HTR2C: variants seen among roughly 807,000 people sequenced by gnomAD.
HTR2C encodes 5-hydroxytryptamine receptor 2C.
In HTR2C, 5 loss-of-function variants were observed where a neutral mutation model predicts 21.0. The ratio of observed to expected loss-of-function variants is 0.24; its 90% CI spans 0.12 to 0.50. HTR2C has a LOEUF of 0.50. Ranked by LOEUF, HTR2C falls within the 20% of genes least tolerant of loss-of-function variation. The pLI is 0.98. For missense variants in HTR2C, 271 were observed against 371.2 expected, an observed-to-expected ratio of 0.73 and a Z score of 2.22; for synonymous variants, 150 against 145.3, an observed-to-expected ratio of 1.03 and a Z score of -0.23.
intron 5 of HTR2C, among the ~76,000 whole-genome samples, chrX:114,864,292 G>T (rs1226014487): frequency 1.8e-5 from 2 of 110,561 alleles, no homozygotes; most frequent in Non-Finnish European, 3.8e-5. Flanking sequence ...CTTTAGCATT[G>T]GTATATCTGC....
intron 4 of HTR2C, among the ~76,000 whole-genome samples, chrX:114,838,703 G>T (rs782112057): frequency 8.9e-6 from 1 of 111,776 alleles, no homozygotes; most frequent in Admixed American, 9.5e-5. Flanking sequence ...ACTATGAATT[G>T]GCCTCCCCTA....
At chrX:114,801,687 G>A (rs941916478) in intron 4 of HTR2C, among the ~76,000 whole-genome samples, 3 of 110,424 alleles carry the variant, frequency 2.7e-5, no homozygotes, top group Admixed American at 9.8e-5. Context: ...AATATTTGTG[G>A]GTACATGGTA....
At chrX:114,842,761 C>T (rs1556465981) in intron 4 of HTR2C, among the ~76,000 whole-genome samples, 1 of 111,139 alleles carries the variant, frequency 9.0e-6, no homozygotes, top group African/African-American at 3.3e-5. Flanking sequence ...AGGTCCCAAA[C>T]AGACCCAACC....
chrX:114,730,507 T>C (rs1347373873), intron 3 of HTR2C, among the ~76,000 whole-genome samples: 1 of 111,981 alleles, frequency 8.9e-6, no homozygotes, highest in African/African-American at 3.2e-5. Flanking sequence ...GGAAAGTTTA[T>C]AGCACAAAAC....
intron 2 of HTR2C, among the ~76,000 whole-genome samples, chrX:114,638,755 T>A (rs1319552659): frequency 1.1e-5 from 1 of 95,033 alleles, no homozygotes; most frequent in African/African-American, 3.8e-5. Context: ...AATTCCCACC[T>A]ATGAGTGAGA....
intron 2 of HTR2C, among the ~76,000 whole-genome samples, chrX:114,702,657 G>T (rs1378382838): frequency 1.8e-5 from 2 of 110,629 alleles, no homozygotes; most frequent in South Asian, 3.9e-4. Context: ...ATCAACTAAT[G>T]AGCAAAATAA....
chrX:114,626,984 T>C (rs2147814420), intron 2 of HTR2C, among the ~76,000 whole-genome samples: 1 of 111,868 alleles, frequency 8.9e-6, no homozygotes, highest in African/African-American at 3.2e-5. Context: ...CGTTATGATA[T>C]CATGGCCTAC....
At chrX:114,669,847 AACT>A (rs1338194141) in intron 2 of HTR2C, among the ~76,000 whole-genome samples, 1 of 112,716 alleles carries the variant, frequency 8.9e-6, no homozygotes, top group Non-Finnish European at 1.9e-5. Flanking sequence ...TCCATACAAC[AACT>A]ATTTACAATA....
At chrX:114,851,482 A>G (rs2070917403) in intron 5 of HTR2C, among the ~76,000 whole-genome samples, 2 of 111,699 alleles carry the variant, frequency 1.8e-5, no homozygotes, top group Non-Finnish European at 3.8e-5. Context: ...TAAGCTATCT[A>G]TTACTAAGGT....
In HTR2C at chrX:114,816,955, ATAG is replaced by A; in HGVS notation, c.350-31047_350-31045del. Among the ~76,000 whole-genome samples the A allele has an allele frequency of 2.7e-5, 3 of 110,313 alleles. No homozygotes were observed. The South Asian group carries it at 1.1e-3, about 42-fold the overall frequency. ...ATCCAGCATCTAAGATTAAAAAAAA[ATAG>A]ATGATTACACAAATGAGAAGACTGA... On this transcript the variant is annotated intron_variant, in intron 4 of 5. Coordinates refer to ENST00000276198, the MANE Select transcript of HTR2C (RefSeq NM_000868.4).
chrX:114,783,882 A>T (rs917934749), intron 4 of HTR2C, among the ~76,000 whole-genome samples: 8 of 111,554 alleles, frequency 7.2e-5, no homozygotes, highest in Admixed American at 3.8e-4. Context: ...AAAAAACTGA[A>T]CTATAACAAA....
chrX:114,829,395 T>C (rs2070702403), intron 4 of HTR2C, among the ~76,000 whole-genome samples: 1 of 111,773 alleles, frequency 8.9e-6, no homozygotes, highest in Admixed American at 9.5e-5. Context: ...TCCTTACCCA[T>C]TTTTTATTTG....
intron 4 of HTR2C, among the ~76,000 whole-genome samples, chrX:114,838,060 T>C (rs1302789457): frequency 1.8e-5 from 2 of 111,594 alleles, no homozygotes; most frequent in African/African-American, 6.5e-5. Context: ...AGGGATTATA[T>C]TGGTAGATTT....
intron 2 of HTR2C, among the ~76,000 whole-genome samples, chrX:114,670,144 G>A (rs1931320527): frequency 9.0e-6 from 1 of 111,694 alleles, no homozygotes; most frequent in African/African-American, 3.3e-5. Context: ...TGTAATCCCA[G>A]CACTTTGGGA....
chrX:114,775,923 G>T, intron 4 of HTR2C: 1 of 370,970 alleles, frequency 2.7e-6, no homozygotes. Flanking sequence ...CATTCTTAGA[G>T]AGAATCGACC....
chrX:114,655,274 TAGAACTG>T (rs782471187), intron 2 of HTR2C, among the ~76,000 whole-genome samples: 1 of 111,323 alleles, frequency 9.0e-6, no homozygotes, highest in East Asian at 2.8e-4. Flanking sequence ...AGGTTGTTCA[TAGAACTG>T]AGAAACTGGG....
chrX:114,590,421 T>C (rs782627038), intron 1 of HTR2C, among the ~76,000 whole-genome samples: 45 of 111,981 alleles, frequency 4.0e-4, no homozygotes, highest in Non-Finnish European at 7.1e-4. Flanking sequence ...TGTATCTATA[T>C]TCTGTCTGAT....
chrX:114,746,990 A>C (rs2069712203), intron 4 of HTR2C, among the ~76,000 whole-genome samples: 1 of 110,462 alleles, frequency 9.1e-6, no homozygotes, highest in Admixed American at 9.6e-5. Context: ...GTCTCAAAAA[A>C]AAAGAAAGAG....
chrX:114,736,436 T>A (rs1361553539), intron 4 of HTR2C, among the ~76,000 whole-genome samples: 1 of 110,947 alleles, frequency 9.0e-6, no homozygotes, highest in Non-Finnish European at 1.9e-5. Flanking sequence ...AGTAAAAAAA[T>A]GGTAAGACTA....
Sources: gnomAD v4.1 joint callset for allele counts (sites outside exome capture counted in the v4.1 genomes callset) on GRCh38, gnomAD v4.1.1 for gene constraint, MANE v1.5 for transcripts, NCBI Gene and HGNC (gene_info 2026-07-23, HGNC 2026-07-21) for gene names.